Variants in RPA1 observed in about 807,000 individuals in gnomAD.
The protein encoded by RPA1 is replication protein A 70 kDa DNA-binding subunit.
Under a neutral mutation model 83.0 loss-of-function variants are expected in RPA1, and 49 were observed. The ratio of observed to expected loss-of-function variants is 0.59; its 90% CI spans 0.47 to 0.75. The LOEUF (loss-of-function observed/expected upper bound fraction) is 0.75, where lower values mean the gene tolerates loss of function less well. RPA1 is among the 30% of genes least tolerant of loss of function. The pLI is 0.00. For synonymous variants in RPA1, 279 were observed against 281.8 expected (o/e 0.99, Z 0.10); for missense variants, 693 against 776.1 (o/e 0.89, Z 1.27).
chr17:1,885,142 C>A (rs1913945014), intron 13 of RPA1, among the ~76,000 whole-genome samples: 1 of 152,202 alleles, frequency 6.6e-6, no homozygotes, highest in African/African-American at 2.4e-5. Context: ...ATCAGCCAAG[C>A]TTATGCAAAT....
At chr17:1,846,762 T>C (rs4790828) in intron 4 of RPA1, among the ~76,000 whole-genome samples, 31,217 of 152,138 alleles carry the variant, frequency 0.21, 3,374 homozygotes, top group Admixed American at 0.24. Flanking sequence ...ACATACGTTG[T>C]AGATAACTTT....
intron 4 of RPA1, among the ~76,000 whole-genome samples, chr17:1,847,827 C>T (rs1298028038): frequency 1.3e-5 from 2 of 151,960 alleles, no homozygotes; most frequent in Non-Finnish European, 2.9e-5. Flanking sequence ...CGAAACCAGC[C>T]TGGCCAACAT....
At chr17:1,850,851 C>T (rs965001527) in intron 4 of RPA1, among the ~76,000 whole-genome samples, 1 of 151,988 alleles carries the variant, frequency 6.6e-6, no homozygotes, top group Non-Finnish European at 1.5e-5. Flanking sequence ...GAGATTGTGC[C>T]ACTGCGCTCC....
intron 5 of RPA1, among the ~76,000 whole-genome samples, chr17:1,870,128 C>G (rs1348862469): frequency 6.6e-6 from 1 of 152,170 alleles, no homozygotes; most frequent in Non-Finnish European, 1.5e-5. Flanking sequence ...ACCCAGCGTT[C>G]TCACCTGTTA....
intron 4 of RPA1, among the ~76,000 whole-genome samples, chr17:1,850,702 C>G (rs555825661): frequency 6.6e-6 from 1 of 151,910 alleles, no homozygotes; most frequent in East Asian, 1.9e-4. Context: ...TCGAGACCAG[C>G]CTGGCCAACA....
rs1597421096 is a variant in RPA1 at position 1,842,805 on chromosome 17, C to T, written c.36C>T (p.Ala12=). The change falls in exon 2 of 17, where the codon GCC becomes GCT. Residue 12 remains alanine, a splice_region_variant and synonymous_variant. Transcript: ENST00000254719. ...CAAACCTGTTTTTACTCCCTCAGGC[C>T]ATCATGCAGAAGGGGGATACAAACA... ...VGQLSEGAIA[A]IMQKGDTNIK... is the part of the protein sequence containing the mutation. The T allele has an allele frequency of 6.2e-7, 1 of 1,614,012 alleles. No homozygotes were observed. Among genetic ancestry groups the T allele is most frequent in the East Asian group, 2.2e-5 (1 of 44,880 alleles).
chr17:1,857,389 C>G (rs1246817023), intron 5 of RPA1, among the ~76,000 whole-genome samples: 2 of 150,692 alleles, frequency 1.3e-5, no homozygotes, highest in Admixed American at 6.6e-5. Flanking sequence ...AAAGAAATAA[C>G]CATTAATATG....
chr17:1,891,620 A>G (rs985311021), intron 14 of RPA1: 1 of 327,738 alleles, frequency 3.1e-6, no homozygotes, highest in South Asian at 8.5e-5. Context: ...GAGTTTCACC[A>G]TGTTGGCCAG....
At chr17:1,877,951 C>A (rs186364765) in intron 8 of RPA1, among the ~76,000 whole-genome samples, 203 of 152,328 alleles carry the variant, frequency 1.3e-3, no homozygotes, top group Middle Eastern at 6.8e-3. Context: ...CCTGAAATTG[C>A]CGGGTGTGGT....
intron 4 of RPA1, among the ~76,000 whole-genome samples, chr17:1,846,880 C>T (rs1912285199): frequency 6.6e-6 from 1 of 152,110 alleles, no homozygotes; most frequent in Non-Finnish European, 1.5e-5. Context: ...TCTTCTACTC[C>T]TCAATCTTTA....
intron 5 of RPA1, among the ~76,000 whole-genome samples, chr17:1,864,879 G>A (rs993744301): frequency 2.0e-5 from 3 of 152,198 alleles, no homozygotes; most frequent in Admixed American, 6.5e-5. Flanking sequence ...CAGCCTGGGC[G>A]ACAGAGTGAG....
chr17:1,877,980 C>G (rs537388966), intron 8 of RPA1, among the ~76,000 whole-genome samples: 6 of 152,338 alleles, frequency 3.9e-5, no homozygotes, highest in African/African-American at 1.2e-4. Flanking sequence ...CCTGTAATCC[C>G]AACACTTTGG....
intron 1 of RPA1, among the ~76,000 whole-genome samples, chr17:1,835,619 G>T (rs1282454073): frequency 6.6e-6 from 1 of 152,100 alleles, no homozygotes; most frequent in Non-Finnish European, 1.5e-5. Flanking sequence ...ATGTTGCTCT[G>T]ATAGGGGCTC....
chr17:1,867,332 A>G (rs1913212517), intron 5 of RPA1, among the ~76,000 whole-genome samples: 1 of 66,936 alleles, frequency 1.5e-5, no homozygotes, highest in Non-Finnish European at 4.8e-5. Flanking sequence ...CCAGGTTTCT[A>G]GTGTTTGTGT....
intron 8 of RPA1, 73 bp from the exon 9 acceptor site, chr17:1,878,920 C>A: frequency 1.4e-6 from 2 of 1,464,234 alleles, no homozygotes; most frequent in South Asian, 1.1e-5. Flanking sequence ...TGTGTTCTAT[C>A]CCAGTGTCAC....
At chr17:1,882,161 G>A (rs999112457) in intron 12 of RPA1, among the ~76,000 whole-genome samples, 3 of 152,124 alleles carry the variant, frequency 2.0e-5, no homozygotes, top group African/African-American at 4.8e-5. Context: ...GCTCCTCTCC[G>A]CCACCACTGT....
In RPA1 at chr17:1,853,723, C is replaced by T. The variant is rs17291923; in HGVS notation, c.361+534C>T. Among the ~76,000 whole-genome samples, 17 of 152,110 alleles carry T rather than the reference C, an allele frequency of 1.1e-4. No individual in the cohort carries two copies. In the South Asian group the frequency reaches 3.1e-3, roughly 28 times the overall value. On this transcript the variant is annotated intron_variant, in intron 5 of 16. Transcript: ENST00000254719. ...AGTAATGGACAAAGATTCAGTTATA[C>T]TAGACTAAAAAAAAATCTAGGATAT...
At chr17:1,862,141 C>T (rs996740676) in intron 5 of RPA1, among the ~76,000 whole-genome samples, 2 of 151,534 alleles carry the variant, frequency 1.3e-5, no homozygotes, top group Non-Finnish European at 1.5e-5. Flanking sequence ...ATCTGCCCGC[C>T]TCAGCCTCCC....
chr17:1,834,510 T>C (rs146900129), intron 1 of RPA1, among the ~76,000 whole-genome samples: 69 of 152,330 alleles, frequency 4.5e-4, no homozygotes, highest in African/African-American at 1.6e-3. Flanking sequence ...GCAGGTATCA[T>C]TTTCGTTCAA....
Sources: allele counts gnomAD v4.1 joint callset (sites outside exome capture counted in the v4.1 genomes callset), GRCh38; gene constraint gnomAD v4.1.1; transcripts MANE v1.5; gene names NCBI Gene and HGNC (gene_info 2026-07-23, HGNC 2026-07-21).